The following POU6F2 variants were observed in gnomAD, a reference collection of about 807,000 sequenced individuals.
The protein encoded by POU6F2 is POU class 6 homeobox 2, also known as POU domain, class 6, transcription factor 2.
A neutral mutation model predicts 71.3 loss-of-function variants in POU6F2; 31 were observed. The ratio of observed to expected loss-of-function variants is 0.43; its 90% CI spans 0.33 to 0.59. The LOEUF (loss-of-function observed/expected upper bound fraction) is 0.59, where lower values mean the gene tolerates loss of function less well. POU6F2 is among the 20% of genes least tolerant of loss of function. The pLI, the probability that POU6F2 is intolerant of heterozygous loss-of-function variation, is 0.04. For synonymous variants in POU6F2, 347 were observed against 355.7 expected (o/e 0.98, Z 0.27); for missense variants, 783 against 856.8 (o/e 0.91, Z 1.07).
chr7:39,361,305 T>C (rs188666039), intron 5 of POU6F2, among the ~76,000 whole-genome samples: 1 of 152,378 alleles, frequency 6.6e-6, no homozygotes, highest in East Asian at 1.9e-4. Context: ...TCAGCAAGTA[T>C]GCTGTTTTTC....
At chr7:39,406,263 G>A in intron 5 of POU6F2, 1 of 245,172 alleles carries the variant, frequency 4.1e-6, no homozygotes, top group Non-Finnish European at 7.9e-6. Context: ...TATTTCCTGA[G>A]TTTTATTTAG....
At chr7:39,145,414 A>G (rs533374895) in intron 2 of POU6F2, among the ~76,000 whole-genome samples, 1 of 152,242 alleles carries the variant, frequency 6.6e-6, no homozygotes, top group East Asian at 1.9e-4. Flanking sequence ...ATAAGTAATC[A>G]AATAAAACCT....
At chr7:39,099,022 C>A (rs1377852978) in intron 2 of POU6F2, among the ~76,000 whole-genome samples, 1 of 152,152 alleles carries the variant, frequency 6.6e-6, no homozygotes, top group Admixed American at 6.5e-5. Flanking sequence ...AACACCCCTT[C>A]TTCAGTCTTT....
At chr7:39,118,809 A>G (rs1468172620) in intron 2 of POU6F2, among the ~76,000 whole-genome samples, 3 of 152,210 alleles carry the variant, frequency 2.0e-5, no homozygotes, top group Admixed American at 6.5e-5. Context: ...CAACGAACAT[A>G]AAAAGATCAC....
chr7:39,191,406 A>G (rs187307131), intron 2 of POU6F2, among the ~76,000 whole-genome samples: 18 of 152,248 alleles, frequency 1.2e-4, no homozygotes, highest in African/African-American at 4.1e-4. Flanking sequence ...TCTTATTTCA[A>G]TTCTGACCCT....
At chr7:39,452,903 A>C (rs1014065746) in intron 8 of POU6F2, among the ~76,000 whole-genome samples, 8 of 152,054 alleles carry the variant, frequency 5.3e-5, no homozygotes, top group Admixed American at 1.3e-4. Context: ...CACCAGCCTG[A>C]CCAATATGAT....
Position 39,460,420 on chromosome 7 carries a change from T to C in POU6F2, c.1490-127T>C. 3.0e-6 allele frequency: 3 copies of C among 1,008,470 alleles called. No homozygotes were observed. The highest frequency in any genetic ancestry group is 4.4e-6 in the Non-Finnish European group (3 of 685,652). 62.5% of individuals were successfully genotyped at this position (1,008,470 alleles called of 1,614,324 possible). ...TCTCACCTGGGAGACAAAGCGAACA[T>C]TCTCTGAGGTTGGTTTCCTCACTGC... On this transcript the variant is annotated intron_variant, in intron 8 of 9. Transcript: ENST00000518318. The surrounding 1 kb of genome is among the most constrained non-coding windows in gnomAD (Gnocchi z 4.4).
At chr7:39,085,229 C>G (rs1791213105) in intron 1 of POU6F2, 1 of 152,134 alleles carries the variant, frequency 6.6e-6, no homozygotes, top group African/African-American at 2.4e-5. Flanking sequence ...TTGGGGTCAG[C>G]TCCGGTTCCC....
At chr7:39,376,780 T>C (rs1786718815) in intron 5 of POU6F2, among the ~76,000 whole-genome samples, 1 of 152,094 alleles carries the variant, frequency 6.6e-6, no homozygotes, top group African/African-American at 2.4e-5. Context: ...AATGATACTT[T>C]AAATATATGA....
chr7:39,263,878 G>A (rs1349381057), intron 4 of POU6F2, among the ~76,000 whole-genome samples: 4 of 152,198 alleles, frequency 2.6e-5, no homozygotes, highest in African/African-American at 9.6e-5. Flanking sequence ...ACAGTGCCTG[G>A]CACTACAGAG....
chr7:39,134,616 C>A (rs898564974), intron 2 of POU6F2, among the ~76,000 whole-genome samples: 2 of 152,188 alleles, frequency 1.3e-5, no homozygotes, highest in African/African-American at 4.8e-5. Context: ...AGTCCAAATT[C>A]TTTCATGTGG....
chr7:39,171,735 C>G (rs1473556065), intron 2 of POU6F2, among the ~76,000 whole-genome samples: 1 of 152,218 alleles, frequency 6.6e-6, no homozygotes, highest in Non-Finnish European at 1.5e-5. Flanking sequence ...GGAAGGGATG[C>G]TACAGTGTCC....
intron 5 of POU6F2, among the ~76,000 whole-genome samples, chr7:39,391,531 G>A (rs1334704771): frequency 6.6e-6 from 1 of 152,094 alleles, no homozygotes; most frequent in African/African-American, 2.4e-5. Context: ...ATCAAAGTAT[G>A]AGTAAAACTT....
rs1252633688 is a variant in POU6F2 at position 39,335,141 on chromosome 7, G to A, written c.599-4501G>A. ...TTCTTACCATCAAGGTAAACTAGTG[G>A]TATGAATAACATGTACCATGGCCCT... is the stretch of plus-strand genomic sequence containing the variant. On this transcript the variant is annotated intron_variant, in intron 4 of 9. Coordinates refer to ENST00000518318, the MANE Select transcript of POU6F2 (RefSeq NM_001370959.1). Among the ~76,000 whole-genome samples the A allele has an allele frequency of 2.0e-5, 3 of 152,208 alleles. No homozygotes were observed. In the South Asian group the frequency reaches 6.2e-4, roughly 32 times the overall value.
At position 39,463,218 on chromosome 7, in the gene POU6F2, C is replaced by T. The variant is rs188665421; in HGVS notation, c.1659-964C>T. ...AGTGAGTGTGAGTTTGGTACCAGGG[C>T]GACTTCTTAAAACACTCTATATAAT... On this transcript the variant is annotated intron_variant, in intron 9 of 9. Transcript: ENST00000518318. Among the ~76,000 whole-genome samples, 163 of 152,264 alleles carry T rather than the reference C, an allele frequency of 1.1e-3. 1 individual carries two copies. Among genetic ancestry groups the T allele is most frequent in the South Asian group, 6.6e-3 (32 of 4,822 alleles).
At chr7:39,115,659 C>T (rs1584550225) in intron 2 of POU6F2, among the ~76,000 whole-genome samples, 2 of 152,276 alleles carry the variant, frequency 1.3e-5, no homozygotes, top group South Asian at 4.1e-4. Flanking sequence ...CTAACTTGGG[C>T]CAGTGTGTTG....
intron 1 of POU6F2, among the ~76,000 whole-genome samples, chr7:38,985,747 A>C (rs1312765000): frequency 6.6e-6 from 1 of 152,130 alleles, no homozygotes; most frequent in Non-Finnish European, 1.5e-5. Context: ...TTCTTGAACA[A>C]AGTGAGTCTT....
intron 1 of POU6F2, among the ~76,000 whole-genome samples, chr7:39,026,656 C>T (rs1028965665): frequency 3.9e-5 from 6 of 151,986 alleles, no homozygotes; most frequent in Admixed American, 6.5e-5. Context: ...TGCTAAATGA[C>T]GAGTTAATGG....
At chr7:39,158,781 C>T (rs960648153) in intron 2 of POU6F2, among the ~76,000 whole-genome samples, 6 of 152,122 alleles carry the variant, frequency 3.9e-5, no homozygotes, top group African/African-American at 1.4e-4. Context: ...GATTGAAATG[C>T]CGTCTTTTCT....
Sources: gnomAD v4.1 joint callset for allele counts (sites outside exome capture counted in the v4.1 genomes callset) on GRCh38, gnomAD v4.1.1 for gene constraint, Gnocchi (gnomAD v3.1) non-coding constraint, MANE v1.5 for transcripts, NCBI Gene and HGNC (gene_info 2026-07-23, HGNC 2026-07-21) for gene names.